GPR160: variants seen among roughly 807,000 people sequenced by gnomAD.
GPR160 encodes the protein probable G protein-coupled receptor 160.
In GPR160, 2 loss-of-function variants were observed where a neutral mutation model predicts 2.6. The observed-to-expected ratio is 0.77, with a 90% confidence interval of 0.32 to 2.44. The LOEUF is 2.44. Ranked by LOEUF, GPR160 falls within the 30% of genes most tolerant of loss-of-function variation. The pLI is 0.11. For synonymous variants in GPR160, 130 were observed against 132.2 expected (o/e 0.98, Z 0.12); for missense variants, 351 against 383.6 (o/e 0.91, Z 0.71).
intron 2 of GPR160, among the ~76,000 whole-genome samples, chr3:170,055,660 A>T (rs1168171472): frequency 4.0e-5 from 6 of 151,442 alleles, no homozygotes. Context: ...TTTGAGACGG[A>T]GTCTCGCTCT....
chr3:170,078,275 G>T (rs147280249), intron 2 of GPR160, among the ~76,000 whole-genome samples: 1 of 152,228 alleles, frequency 6.6e-6, no homozygotes, highest in African/African-American at 2.4e-5. Flanking sequence ...GGGCTGCTTG[G>T]GAGGAAGAAC....
At chr3:170,058,024 A>T (rs144018919) in intron 2 of GPR160, 56 of 152,388 alleles carry the variant, frequency 3.7e-4, no homozygotes, top group African/African-American at 1.1e-3. Context: ...CCTGGAAATG[A>T]CAATAAAGTA....
chr3:170,056,698 A>G (rs1002360766), intron 2 of GPR160, among the ~76,000 whole-genome samples: 4 of 152,238 alleles, frequency 2.6e-5, no homozygotes, highest in African/African-American at 4.8e-5. Context: ...AATAACCTGC[A>G]TTAATGGGGT....
At chr3:170,053,561 T>A (rs975156310) in intron 2 of GPR160, among the ~76,000 whole-genome samples, 18 of 152,196 alleles carry the variant, frequency 1.2e-4, no homozygotes. Context: ...TATCTTATCC[T>A]TTCTAGTCTG....
At position 170,085,077 on chromosome 3, in the gene GPR160, A is replaced by G; in HGVS notation, c.*88A>G. 1.0e-5 allele frequency: 7 copies of G among 680,054 alleles called. No homozygotes were observed. Among genetic ancestry groups the G allele is most frequent in the Non-Finnish European group, 9.1e-6 (4 of 439,914 alleles). 42.1% of individuals were successfully genotyped at this position (680,054 alleles called of 1,614,324 possible). On this transcript the variant is annotated 3_prime_UTR_variant, in exon 4 of 4. Transcript: ENST00000355897. The stretch of plus-strand genomic sequence containing the variant: ...GACATATTAAAAAATAAACTGAACT[A>G]AAACAACTTTTGCCCCCTGACTGAT...
intron 2 of GPR160, among the ~76,000 whole-genome samples, chr3:170,069,996 ATG>A (rs1459926752): frequency 6.6e-6 from 1 of 151,942 alleles, no homozygotes; most frequent in Non-Finnish European, 1.5e-5. Context: ...CCCTAGTATC[ATG>A]TGTGTGTGTC....
chr3:170,066,172 GCTCTGTCACCC>G (rs1712328123), intron 2 of GPR160, among the ~76,000 whole-genome samples: 1 of 101,832 alleles, frequency 9.8e-6, no homozygotes, highest in African/African-American at 4.1e-5. Flanking sequence ...ACAGAGCCTC[GCTCTGTCACCC>G]AGGCTGGAGT....
chr3:170,068,026 T>C (rs1046840401), intron 2 of GPR160, among the ~76,000 whole-genome samples: 6 of 152,356 alleles, frequency 3.9e-5, no homozygotes, highest in Middle Eastern at 3.4e-3. Flanking sequence ...GTTGAGATGA[T>C]GGTAGGTACA....
chr3:170,065,688 T>C, intron 2 of GPR160, among the ~76,000 whole-genome samples: 1 of 152,238 alleles, frequency 6.6e-6, no homozygotes, highest in East Asian at 1.9e-4. Context: ...GTTTCTTTCA[T>C]GAAATATTAA....
At chr3:170,079,256 G>A (rs553228489) in intron 2 of GPR160, among the ~76,000 whole-genome samples, 7 of 152,296 alleles carry the variant, frequency 4.6e-5, no homozygotes, top group Admixed American at 1.3e-4. Flanking sequence ...CCTTTCATCC[G>A]TTGCTCGACT....
intron 2 of GPR160, among the ~76,000 whole-genome samples, chr3:170,043,156 C>G (rs914579590): frequency 1.3e-5 from 2 of 151,862 alleles, no homozygotes; most frequent in African/African-American, 4.8e-5. Context: ...GCTGGGATTA[C>G]AGACATTCAC....
intron 2 of GPR160, among the ~76,000 whole-genome samples, chr3:170,064,779 A>G (rs952898474): frequency 2.0e-5 from 3 of 151,818 alleles, no homozygotes; most frequent in African/African-American, 7.3e-5. Context: ...CGGCCTTCCA[A>G]AGTGCTGGGA....
intron 3 of GPR160, among the ~76,000 whole-genome samples, chr3:170,082,903 T>C (rs1052407165): frequency 6.6e-6 from 1 of 151,962 alleles, no homozygotes; most frequent in South Asian, 2.1e-4. Context: ...CCAACCTGTG[T>C]TGTTTTGAAC....
chr3:170,047,076 C>G (rs1436905148), intron 2 of GPR160, among the ~76,000 whole-genome samples: 2 of 152,074 alleles, frequency 1.3e-5, no homozygotes, highest in African/African-American at 4.8e-5. Flanking sequence ...TTGCCTGGTC[C>G]CCTTCAGCAG....
intron 2 of GPR160, among the ~76,000 whole-genome samples, chr3:170,045,140 G>A (rs1716651514): frequency 6.6e-6 from 1 of 152,060 alleles, no homozygotes; most frequent in African/African-American, 2.4e-5. Flanking sequence ...AGTGAACCTT[G>A]TTGGGTGGCT....
intron 2 of GPR160, among the ~76,000 whole-genome samples, chr3:170,048,228 C>T (rs1056690151): frequency 6.6e-6 from 1 of 152,146 alleles, no homozygotes; most frequent in Admixed American, 6.5e-5. Flanking sequence ...TACACAGAGG[C>T]ATGCAGAGTG....
At chr3:170,061,390 A>T (rs985876326) in intron 2 of GPR160, among the ~76,000 whole-genome samples, 3 of 152,040 alleles carry the variant, frequency 2.0e-5, no homozygotes, top group African/African-American at 7.3e-5. Context: ...TATTAAAAAA[A>T]ACTCTAACAA....
At position 170,084,411 on chromosome 3, in the gene GPR160, T is replaced by C. The variant is rs1713307976; in HGVS notation, c.439T>C (p.Trp147Arg). Residue 147 changes from tryptophan (W) to arginine (R), a missense_variant, in exon 4 of 4, where the codon TGG (tryptophan) becomes CGG (arginine). Trp to Arg is a moderately radical substitution (Grantham distance 101). Transcript: ENST00000355897. ...LFYFFTVILI[W>R]ISVLAYVLGD... is the part of the protein sequence containing the mutation. ...TTATTTCTTTACAGTAATTTTAATT[T>C]GGATTTCAGTCCTTGCTTATGTTTT... is the stretch of plus-strand genomic sequence containing the variant. The C allele has an allele frequency of 3.1e-6, 5 of 1,607,012 alleles. No individual in the cohort carries two copies. The African/African-American group carries it at 6.7e-5, about 21-fold the overall frequency.
rs918182172 is a variant in GPR160, at chr3:170,055,499, T to C, written c.-193+16456T>C. 2.0e-5 allele frequency among the ~76,000 whole-genome samples: 3 copies of C among 152,188 alleles called. No individual in the cohort carries two copies. In the South Asian group the frequency reaches 6.2e-4, roughly 32 times the overall value. On this transcript the variant is annotated intron_variant, in intron 2 of 3. Coordinates refer to ENST00000355897, the MANE Select transcript of GPR160 (RefSeq NM_014373.3). ...ATGGAGAGTGGGGTCTCAGGGACTA[T>C]TGAGCACAGATTTCTGATTGCTACT...
Sources: allele counts gnomAD v4.1 joint callset (sites outside exome capture counted in the v4.1 genomes callset), GRCh38; gene constraint gnomAD v4.1.1; transcripts MANE v1.5; gene names NCBI Gene and HGNC (gene_info 2026-07-23, HGNC 2026-07-21).